The following SOX6 variants were observed in gnomAD, a reference collection of about 807,000 sequenced individuals.
The protein encoded by SOX6 is transcription factor SOX-6.
In SOX6, 11 loss-of-function variants were observed where a neutral mutation model predicts 97.8. The observed-to-expected ratio is 0.11, with a 90% CI of 0.07 to 0.19. The LOEUF (loss-of-function observed/expected upper bound fraction) is 0.19, where lower values mean the gene tolerates loss of function less well. SOX6 is among the 10% of genes least tolerant of loss of function. SOX6 has a pLI of 1.00. For synonymous variants in SOX6, 360 were observed against 371.4 expected (o/e 0.97, Z 0.35); for missense variants, 810 against 1,039.5 (o/e 0.78, Z 3.04).
intron 9 of SOX6, among the ~76,000 whole-genome samples, chr11:16,076,543 A>G (rs1013786103): frequency 2.0e-5 from 3 of 152,120 alleles, no homozygotes; most frequent in Admixed American, 6.5e-5. Flanking sequence ...TCCCACTGCT[A>G]TAAAGAAATA....
chr11:16,724,443 G>A (rs897554781), intron 2 of SOX6, among the ~76,000 whole-genome samples: 3 of 151,724 alleles, frequency 2.0e-5, no homozygotes, highest in African/African-American at 7.3e-5. Flanking sequence ...CAAGTTGGTG[G>A]TTCTAAAAAC....
intron 1 of SOX6, among the ~76,000 whole-genome samples, chr11:16,428,366 A>G (rs1475332687): frequency 6.6e-6 from 1 of 152,054 alleles, no homozygotes; most frequent in East Asian, 1.9e-4. Flanking sequence ...TTTTGTTGCC[A>G]TTGCTTTTGG....
chr11:16,480,652 C>CG (rs564289470), upstream of SOX6, among the ~76,000 whole-genome samples: 3 of 151,744 alleles, frequency 2.0e-5, no homozygotes, highest in South Asian at 4.2e-4. Context: ...GTAACCCCCC[C>CG]CCCACCTTCT....
intron 3 of SOX6, among the ~76,000 whole-genome samples, chr11:16,681,940 T>C (rs1053127101): frequency 2.6e-5 from 4 of 152,154 alleles, no homozygotes; most frequent in Non-Finnish European, 5.9e-5. Context: ...AATAGACCAA[T>C]AACAGGTTCT....
intron 6 of SOX6, among the ~76,000 whole-genome samples, chr11:16,166,261 G>T (rs183446961): frequency 1.3e-5 from 2 of 152,032 alleles, no homozygotes; most frequent in East Asian, 3.9e-4. Flanking sequence ...AAACATCTCC[G>T]AATTGGATAG....
intron 4 of SOX6, among the ~76,000 whole-genome samples, chr11:16,222,941 A>G (rs1451499372): frequency 6.6e-6 from 1 of 152,136 alleles, no homozygotes; most frequent in African/African-American, 2.4e-5. Flanking sequence ...AAAGCAATGC[A>G]TAACGCATCG....
chr11:16,531,512 C>G (rs1260513078), intron 4 of SOX6, among the ~76,000 whole-genome samples: 1 of 151,634 alleles, frequency 6.6e-6, no homozygotes, highest in African/African-American at 2.4e-5. Context: ...ATATATATAT[C>G]AACCCTATGG....
intron 6 of SOX6, among the ~76,000 whole-genome samples, chr11:16,128,421 G>T (rs1849659354): frequency 6.6e-6 from 1 of 152,124 alleles, no homozygotes; most frequent in South Asian, 2.1e-4. Context: ...AATAGTTTTA[G>T]AAAGCCAATT....
chr11:16,617,026 A>G (rs1398003845), intron 3 of SOX6, among the ~76,000 whole-genome samples: 2 of 151,954 alleles, frequency 1.3e-5, no homozygotes, highest in Non-Finnish European at 2.9e-5. Flanking sequence ...AGCATGTATC[A>G]TAATGATACA....
At chr11:16,158,688 T>A (rs1489234056) in intron 6 of SOX6, among the ~76,000 whole-genome samples, 1 of 151,916 alleles carries the variant, frequency 6.6e-6, no homozygotes, top group Non-Finnish European at 1.5e-5. Context: ...TTTTAGGAAT[T>A]CAGAAAAAAG....
At position 16,356,459 on chromosome 11, in the gene SOX6, C is replaced by T. The variant is rs1857078335; in HGVS notation, c.-370G>A. 6.6e-6 allele frequency among the ~76,000 whole-genome samples: 1 copy of T among 152,102 alleles called. No individual in the cohort carries two copies. The highest frequency in any genetic ancestry group is 2.1e-4 in the South Asian group (1 of 4,832). On this transcript the variant is annotated 5_prime_UTR_variant, in exon 1 of 16. Coordinates refer to ENST00000683767, the MANE Select transcript of SOX6 (RefSeq NM_001367873.1). ...TGCTGCTACAGTTAAGCAAACTTTA[C>T]AAGCTAGTCAAGCCATCATCCAATA...
chr11:16,679,160 G>A (rs1159563595), intron 3 of SOX6, among the ~76,000 whole-genome samples: 1 of 152,234 alleles, frequency 6.6e-6, no homozygotes, highest in Admixed American at 6.5e-5. Context: ...GCCTCCTCAA[G>A]TGGGTCCCTG....
chr11:16,567,214 T>C (rs917413884), intron 4 of SOX6: 1 of 152,396 alleles, frequency 6.6e-6, no homozygotes, highest in African/African-American at 2.4e-5. Context: ...CAGCACACAT[T>C]CATAACAGAA....
At chr11:15,981,896 A>G (rs1590106548) in intron 15 of SOX6, among the ~76,000 whole-genome samples, 2 of 152,094 alleles carry the variant, frequency 1.3e-5, no homozygotes, top group East Asian at 1.9e-4. Context: ...TAAGCACTTT[A>G]CAAACAGTAA....
chr11:16,425,261 T>C (rs1859101637), intron 1 of SOX6, among the ~76,000 whole-genome samples: 1 of 152,234 alleles, frequency 6.6e-6, no homozygotes, highest in African/African-American at 2.4e-5. Flanking sequence ...CAAGATGTGG[T>C]TAAGAACATG....
At chr11:16,722,158 C>T (rs1039798230) in intron 2 of SOX6, among the ~76,000 whole-genome samples, 8 of 151,984 alleles carry the variant, frequency 5.3e-5, no homozygotes, top group Non-Finnish European at 7.4e-5. Context: ...AAAACCATCA[C>T]GACAAAAGCA....
chr11:16,061,529 A>G (rs1190097992), intron 9 of SOX6, among the ~76,000 whole-genome samples: 3 of 151,932 alleles, frequency 2.0e-5, no homozygotes, highest in East Asian at 3.9e-4. Context: ...TTTTAATCAA[A>G]TTAGAAAAAA....
At chr11:16,457,986 A>G (rs1194428465) in intron 1 of SOX6, among the ~76,000 whole-genome samples, 2 of 152,064 alleles carry the variant, frequency 1.3e-5, no homozygotes, top group Admixed American at 1.3e-4. Context: ...GATGGTGATG[A>G]TAATGATGAT....
At chr11:16,693,992 C>T (rs920082138) in intron 3 of SOX6, among the ~76,000 whole-genome samples, 1 of 152,098 alleles carries the variant, frequency 6.6e-6, no homozygotes, top group Non-Finnish European at 1.5e-5. Context: ...AATTAATTCT[C>T]CTAGCTGAGC....
Sources: gnomAD v4.1 joint callset for allele counts (sites outside exome capture counted in the v4.1 genomes callset) on GRCh38, gnomAD v4.1.1 for gene constraint, MANE v1.5 for transcripts, NCBI Gene and HGNC (gene_info 2026-07-23, HGNC 2026-07-21) for gene names.